The following SLC10A7 variants were observed in gnomAD, a reference collection of about 807,000 sequenced individuals.
SLC10A7 encodes solute carrier family 10 member 7, also known as sodium/bile acid cotransporter 7.
A neutral mutation model predicts 43.2 loss-of-function variants in SLC10A7; 29 were observed. That is an observed-to-expected ratio of 0.67 (90% CI 0.50 to 0.92). SLC10A7 has a LOEUF of 0.92. SLC10A7 is among the 40% of genes least tolerant of loss of function. SLC10A7 has a pLI of 0.00. For synonymous variants in SLC10A7, 152 were observed against 144.8 expected (o/e 1.05, Z -0.35); for missense variants, 295 against 403.2 (o/e 0.73, Z 2.30).
At chr4:146,471,383 G>A (rs919013618) in intron 4 of SLC10A7, among the ~76,000 whole-genome samples, 23 of 152,174 alleles carry the variant, frequency 1.5e-4, no homozygotes, top group Non-Finnish European at 7.4e-5. Context: ...TTCAGCATTT[G>A]AAGTATGGCT....
At chr4:146,278,050 G>A (rs1191312896) in intron 10 of SLC10A7, among the ~76,000 whole-genome samples, 1 of 151,968 alleles carries the variant, frequency 6.6e-6, no homozygotes, top group African/African-American at 2.4e-5. Context: ...ATAATACTTG[G>A]ATCCAGTAAA....
chr4:146,302,020 G>A (rs898407434), intron 7 of SLC10A7, among the ~76,000 whole-genome samples: 9 of 151,944 alleles, frequency 5.9e-5, no homozygotes, highest in East Asian at 1.9e-4. Context: ...TTATTCCCTC[G>A]GGATAAATGT....
intron 4 of SLC10A7, among the ~76,000 whole-genome samples, chr4:146,501,206 G>T (rs1299575655): frequency 6.6e-6 from 1 of 152,052 alleles, no homozygotes; most frequent in Non-Finnish European, 1.5e-5. Context: ...ATCCACTGAT[G>T]ATTCCCTAAT....
intron 5 of SLC10A7, among the ~76,000 whole-genome samples, chr4:146,395,033 G>A (rs1357944815): frequency 6.6e-6 from 1 of 152,064 alleles, no homozygotes; most frequent in Admixed American, 6.6e-5. Context: ...CTCACTCCAT[G>A]TTTCCATGTC....
At chr4:146,274,827 C>A (rs1263623878) in intron 10 of SLC10A7, among the ~76,000 whole-genome samples, 1 of 152,108 alleles carries the variant, frequency 6.6e-6, no homozygotes, top group African/African-American at 2.4e-5. Context: ...TAAGGATATT[C>A]TTTTGGCTGA....
At chr4:146,485,326 C>T (rs184836219) in intron 4 of SLC10A7, among the ~76,000 whole-genome samples, 4 of 152,150 alleles carry the variant, frequency 2.6e-5, no homozygotes, top group African/African-American at 9.7e-5. Context: ...TTTGAGGGGA[C>T]TTTGGAAGCA....
intron 5 of SLC10A7, among the ~76,000 whole-genome samples, chr4:146,404,097 G>A (rs1358033757): frequency 6.6e-6 from 1 of 152,104 alleles, no homozygotes; most frequent in African/African-American, 2.4e-5. Context: ...GCAGTGGCAT[G>A]CCTCCACCAC....
intron 5 of SLC10A7, among the ~76,000 whole-genome samples, chr4:146,402,004 C>T (rs1028568207): frequency 3.3e-5 from 5 of 152,182 alleles, no homozygotes; most frequent in African/African-American, 1.2e-4. Flanking sequence ...AAAATGTACA[C>T]ATATAGACAC....
chr4:146,521,304 C>A lies in SLC10A7; in HGVS notation c.100+314G>T, dbSNP rs77423611. ...TACGGAACTCTTAGCAACCTAGATT[C>A]CCTTGGGATAGGATGCTACTTTGAA... is the stretch of plus-strand genomic sequence containing the variant. On this transcript the variant is annotated intron_variant, in intron 1 of 11. Coordinates refer to ENST00000335472, the MANE Select transcript of SLC10A7 (RefSeq NM_001029998.6). 8.9e-4 allele frequency among the ~76,000 whole-genome samples: 135 copies of A among 152,110 alleles called. 2 individuals carry two copies. The South Asian group carries it at 0.014, about 16-fold the overall frequency.
Position 146,320,592 on chromosome 4 carries a change from G to A in SLC10A7, c.471+5369C>T, listed in dbSNP as rs568521302. 2.6e-5 allele frequency among the ~76,000 whole-genome samples: 4 copies of A among 152,148 alleles called. No individual in the cohort carries two copies. The South Asian group carries it at 6.2e-4, about 24-fold the overall frequency. Reference sequence around the variant, plus strand: ...CAAAGTGAAGGACCTGGAATAGTTGGCTGAAATAAAGTGGAGGGCAAGCTT... The same window carrying A: ...CAAAGTGAAGGACCTGGAATAGTTGACTGAAATAAAGTGGAGGGCAAGCTT... On this transcript the variant is annotated intron_variant, in intron 6 of 11. Transcript: ENST00000335472.
chr4:146,513,202 C>T (rs1034617775), intron 2 of SLC10A7, among the ~76,000 whole-genome samples: 1 of 151,172 alleles, frequency 6.6e-6, no homozygotes, highest in African/African-American at 2.4e-5. Flanking sequence ...GTAAATAAAT[C>T]ATATGTTCAT....
chr4:146,501,118 A>C (rs1465801538), intron 4 of SLC10A7, among the ~76,000 whole-genome samples: 1 of 152,132 alleles, frequency 6.6e-6, no homozygotes, highest in Non-Finnish European at 1.5e-5. Flanking sequence ...TCCAGGGCTC[A>C]GTCCTTGAAC....
chr4:146,518,994 C>T (rs1265754650), intron 1 of SLC10A7, among the ~76,000 whole-genome samples: 4 of 145,456 alleles, frequency 2.7e-5, no homozygotes, highest in East Asian at 2.0e-4. Context: ...ACAACAATCA[C>T]GGCTCCTCCA....
intron 5 of SLC10A7, among the ~76,000 whole-genome samples, chr4:146,331,199 G>C (rs181831502): frequency 5.8e-4 from 88 of 152,074 alleles, no homozygotes; most frequent in African/African-American, 2.0e-3. Context: ...ACATTTATGG[G>C]TCAATCTCAC....
intron 5 of SLC10A7, among the ~76,000 whole-genome samples, chr4:146,368,318 G>C (rs1194900364): frequency 6.6e-6 from 1 of 152,204 alleles, no homozygotes; most frequent in African/African-American, 2.4e-5. Context: ...CACAGCATGA[G>C]AGTATCTGGC....
chr4:146,276,228 T>G (rs1012020065), intron 10 of SLC10A7, among the ~76,000 whole-genome samples: 15 of 152,172 alleles, frequency 9.9e-5, no homozygotes, highest in Non-Finnish European at 1.8e-4. Flanking sequence ...ATTAGTAAGG[T>G]CTCTGGTTGA....
intron 5 of SLC10A7, among the ~76,000 whole-genome samples, chr4:146,376,234 C>G (rs1384725700): frequency 6.6e-6 from 1 of 152,036 alleles, no homozygotes; most frequent in Non-Finnish European, 1.5e-5. Flanking sequence ...AAAGATGTTC[C>G]TATCACCCAC....
At chr4:146,394,304 G>C (rs1358639198) in intron 5 of SLC10A7, among the ~76,000 whole-genome samples, 2 of 152,184 alleles carry the variant, frequency 1.3e-5, no homozygotes, top group East Asian at 3.9e-4. Context: ...AAAATCAATA[G>C]GTATTGTTTC....
chr4:146,281,823 T>G (rs1174488268), intron 10 of SLC10A7, among the ~76,000 whole-genome samples: 2 of 152,160 alleles, frequency 1.3e-5, no homozygotes, highest in Non-Finnish European at 1.5e-5. Context: ...AGCTACACCT[T>G]ATAGAGTACT....
Sources: gnomAD v4.1 joint callset for allele counts (sites outside exome capture counted in the v4.1 genomes callset) on GRCh38, gnomAD v4.1.1 for gene constraint, MANE v1.5 for transcripts, NCBI Gene and HGNC (gene_info 2026-07-23, HGNC 2026-07-21) for gene names.